ZNF385D: variants seen among roughly 807,000 people sequenced by gnomAD.
The protein encoded by ZNF385D is zinc finger protein 385D.
Under a neutral mutation model 35.8 loss-of-function variants are expected in ZNF385D, and 15 were observed. That is an observed-to-expected ratio of 0.42 (90% CI 0.28 to 0.64). The LOEUF is 0.64. Among genes scored for constraint, ZNF385D ranks in the 30% least tolerant of loss-of-function variants. ZNF385D has a pLI of 0.23. For missense variants in ZNF385D, 474 were observed against 494.6 expected, an observed-to-expected ratio of 0.96 and a Z score of 0.39; for synonymous variants, 212 against 186.8, an observed-to-expected ratio of 1.13 and a Z score of -1.10.
rs201807775 is a variant in ZNF385D at position 21,887,352 on chromosome 3, AAT to A, written c.326-222326_326-222325del. On this transcript the variant is annotated intron_variant, in intron 3 of 5. Coordinates refer to the ZNF385D transcript ENST00000494108. The stretch of plus-strand genomic sequence containing the variant: ...GAAACTTAACTATGCACATTAATAA[AAT>A]AGTTTGTAAAAATAAATTTATGAAA... Among the ~76,000 whole-genome samples the A allele has an allele frequency of 8.3e-3, 1,266 of 152,280 alleles. 20 individuals carry two copies. The highest frequency in any genetic ancestry group is 0.029 in the African/African-American group (1,191 of 41,556).
At chr3:22,315,830 C>A (rs1233222732) in intron 2 of ZNF385D, among the ~76,000 whole-genome samples, 1 of 152,046 alleles carries the variant, frequency 6.6e-6, no homozygotes, top group Non-Finnish European at 1.5e-5. Context: ...AAACTGATCC[C>A]CTCCTTGTTC....
At chr3:22,089,333 T>C (rs865844543) in intron 3 of ZNF385D, among the ~76,000 whole-genome samples, 1 of 152,216 alleles carries the variant, frequency 6.6e-6, no homozygotes, top group Admixed American at 6.5e-5. Flanking sequence ...ATTGACTCTC[T>C]AGTCCAAATA....
At chr3:21,757,167 T>C (rs1471371722) in intron 3 of ZNF385D, among the ~76,000 whole-genome samples, 4 of 132,512 alleles carry the variant, frequency 3.0e-5, no homozygotes, top group Non-Finnish European at 6.3e-5. Flanking sequence ...TCTCACTCTC[T>C]CACCCAGGCC....
At chr3:22,175,685 G>A (rs957446215) in intron 2 of ZNF385D, among the ~76,000 whole-genome samples, 3 of 151,370 alleles carry the variant, frequency 2.0e-5, no homozygotes, top group African/African-American at 7.3e-5. Context: ...GCATTTCCTT[G>A]TATTAGGATT....
intron 3 of ZNF385D, among the ~76,000 whole-genome samples, chr3:21,853,219 T>C (rs1216008751): frequency 1.3e-5 from 2 of 151,834 alleles, no homozygotes; most frequent in East Asian, 3.9e-4. Context: ...CTTAAGAGAA[T>C]AAAGATTTTC....
intron 6 of ZNF385D, among the ~76,000 whole-genome samples, chr3:21,424,435 T>G (rs974109578): frequency 3.4e-5 from 5 of 148,234 alleles, no homozygotes; most frequent in Non-Finnish European, 5.9e-5. Context: ...TGCCTCAGCC[T>G]CCCAAGTAGC....
intron 3 of ZNF385D, among the ~76,000 whole-genome samples, chr3:22,152,354 G>C (rs897523995): frequency 2.0e-5 from 3 of 152,130 alleles, no homozygotes; most frequent in Admixed American, 6.6e-5. Context: ...GACGGTATCT[G>C]TATTAGTCTC....
At chr3:21,829,839 G>A (rs1228156900) in intron 3 of ZNF385D, among the ~76,000 whole-genome samples, 1 of 151,962 alleles carries the variant, frequency 6.6e-6, no homozygotes, top group Non-Finnish European at 1.5e-5. Context: ...ATATTTTAGA[G>A]TTTGGCCTGA....
At chr3:22,319,912 T>C (rs1406101472) in intron 2 of ZNF385D, among the ~76,000 whole-genome samples, 1 of 152,164 alleles carries the variant, frequency 6.6e-6, no homozygotes, top group Non-Finnish European at 1.5e-5. Context: ...TGTTGCTATG[T>C]CCCATAGGTT....
intron 2 of ZNF385D, among the ~76,000 whole-genome samples, chr3:21,568,177 TA>T (rs2063213455): frequency 9.1e-6 from 1 of 109,770 alleles, no homozygotes; most frequent in African/African-American, 3.7e-5. Flanking sequence ...TTAATATCTT[TA>T]TTAATAACAA....
intron 3 of ZNF385D, among the ~76,000 whole-genome samples, chr3:22,065,035 T>C (rs1392905977): frequency 6.6e-6 from 1 of 152,190 alleles, no homozygotes; most frequent in African/African-American, 2.4e-5. Context: ...CAAGTTCAAA[T>C]CCTAGTTATG....
intron 2 of ZNF385D, among the ~76,000 whole-genome samples, chr3:22,251,100 T>C (rs1700039428): frequency 6.6e-6 from 1 of 152,130 alleles, no homozygotes; most frequent in African/African-American, 2.4e-5. Flanking sequence ...AATTTCAGTA[T>C]TTATTCAGGT....
intron 3 of ZNF385D, among the ~76,000 whole-genome samples, chr3:22,119,603 T>C (rs1702981026): frequency 6.6e-6 from 1 of 152,106 alleles, no homozygotes; most frequent in Non-Finnish European, 1.5e-5. Flanking sequence ...CCAAAATAGG[T>C]TTTGATCATT....
intron 2 of ZNF385D, among the ~76,000 whole-genome samples, chr3:22,342,169 CG>C (rs1269295989): frequency 6.8e-6 from 1 of 146,248 alleles, no homozygotes; most frequent in East Asian, 2.1e-4. Flanking sequence ...CCCAGCTACT[CG>C]GGAGACTGAG....
chr3:22,215,405 A>G (rs931120653), intron 2 of ZNF385D, among the ~76,000 whole-genome samples: 5 of 152,182 alleles, frequency 3.3e-5, no homozygotes, highest in African/African-American at 1.2e-4. Flanking sequence ...CATCCCTGAG[A>G]AAGAGAATGC....
chr3:21,641,632 C>CTT lies in ZNF385D; in HGVS notation c.165+23252_165+23253dup, dbSNP rs144071100. Among the ~76,000 whole-genome samples the CTT allele has an allele frequency of 8.3e-3, 868 of 104,692 alleles. 16 individuals carry two copies. The highest frequency in any genetic ancestry group is 0.021 in the African/African-American group (566 of 27,194). 68.7% of individuals were successfully genotyped at this position (104,692 alleles called of 152,430 possible). A position where few individuals can be genotyped will look rare whatever the true frequency, so the allele number is the denominator to read the frequency against. On this transcript the variant is annotated intron_variant, in intron 2 of 7. Coordinates refer to ENST00000281523, the MANE Select transcript of ZNF385D (RefSeq NM_024697.3). ...CATTTTACTATGCAGAACAAGTCAG[C>CTT]TTTTTTTTTTTTTTTTTTTTTAATA...
intron 1 of ZNF385D, among the ~76,000 whole-genome samples, chr3:21,732,465 A>C (rs1280456027): frequency 6.6e-6 from 1 of 152,168 alleles, no homozygotes; most frequent in Non-Finnish European, 1.5e-5. Context: ...GAAACTGCCA[A>C]ACTGTCTTCT....
chr3:21,883,756 G>A (rs1397766094), intron 3 of ZNF385D, among the ~76,000 whole-genome samples: 1 of 151,976 alleles, frequency 6.6e-6, no homozygotes, highest in Non-Finnish European at 1.5e-5. Flanking sequence ...GCACATATAA[G>A]GCTAGAATTT....
chr3:21,948,395 T>C (rs757681940), intron 3 of ZNF385D, among the ~76,000 whole-genome samples: 7 of 152,248 alleles, frequency 4.6e-5, no homozygotes, highest in Non-Finnish European at 5.9e-5. Context: ...TTTCTTTGCA[T>C]TGACAAGTTT....
Sources: gnomAD v4.1 joint callset for allele counts (sites outside exome capture counted in the v4.1 genomes callset) on GRCh38, gnomAD v4.1.1 for gene constraint, MANE v1.5 for transcripts, NCBI Gene and HGNC (gene_info 2026-07-23, HGNC 2026-07-21) for gene names.